The following NRXN1 variants were observed in gnomAD, a reference collection of about 807,000 sequenced individuals.
The protein encoded by NRXN1 is neurexin 1.
NRXN1 carries 39 observed loss-of-function variants against 150.9 expected under a neutral mutation model. The observed-to-expected ratio is 0.26, with a 90% CI of 0.20 to 0.34. The LOEUF (loss-of-function observed/expected upper bound fraction) is 0.34, where lower values mean the gene tolerates loss of function less well. NRXN1 is among the 10% of genes least tolerant of loss of function. NRXN1 has a pLI of 1.00. For synonymous variants in NRXN1, 924 were observed against 757.0 expected (o/e 1.22, Z -3.62); for missense variants, 1,815 against 1,949.9 (o/e 0.93, Z 1.30).
chr2:50,917,389 A>C (rs763930646), intron 5 of NRXN1: 3 of 151,776 alleles, frequency 2.0e-5, no homozygotes, highest in Admixed American at 6.6e-5. Flanking sequence ...AATATGCATT[A>C]GGATTTTAGT....
intron 5 of NRXN1, among the ~76,000 whole-genome samples, chr2:50,724,772 G>T (rs183655607): frequency 4.5e-4 from 69 of 152,204 alleles, no homozygotes; most frequent in African/African-American, 1.3e-3. Context: ...GTGTGTGTGT[G>T]ATGAGGTATT....
chr2:50,304,490 C>A (rs1419688649), intron 17 of NRXN1, among the ~76,000 whole-genome samples: 8 of 152,206 alleles, frequency 5.3e-5, no homozygotes, highest in East Asian at 1.9e-4. Context: ...CACAATAATT[C>A]AAAAATTCCT....
At chr2:50,988,743 T>G (rs1207372863) in intron 2 of NRXN1, among the ~76,000 whole-genome samples, 1 of 151,972 alleles carries the variant, frequency 6.6e-6, no homozygotes, top group Non-Finnish European at 1.5e-5. Context: ...AACACAGGCG[T>G]TAGCAGCTGC....
At chr2:50,872,287 T>A (rs1486093747) in intron 5 of NRXN1, among the ~76,000 whole-genome samples, 5 of 151,980 alleles carry the variant, frequency 3.3e-5, no homozygotes, top group African/African-American at 1.2e-4. Context: ...TGTGTAATAA[T>A]GGTGATTGTA....
chr2:49,938,783 C>T (rs1671470972), intron 22 of NRXN1, among the ~76,000 whole-genome samples: 1 of 152,160 alleles, frequency 6.6e-6, no homozygotes. Flanking sequence ...TATTAGGGAG[C>T]TACTACAGCA....
chr2:50,561,110 C>T (rs1295437763), intron 8 of NRXN1, among the ~76,000 whole-genome samples: 1 of 152,164 alleles, frequency 6.6e-6, no homozygotes, highest in Non-Finnish European at 1.5e-5. Flanking sequence ...AAGAAAACCC[C>T]TCCTGCTTTG....
chr2:49,981,542 C>T (rs72887817), intron 21 of NRXN1, among the ~76,000 whole-genome samples: 74,663 of 151,728 alleles, frequency 0.49, 18,801 homozygotes, highest in Middle Eastern at 0.63. Flanking sequence ...ATCCTCTTCC[C>T]CCCCACTTTT....
intron 5 of NRXN1, among the ~76,000 whole-genome samples, chr2:50,762,456 C>T (rs934025123): frequency 6.6e-6 from 1 of 151,682 alleles, no homozygotes; most frequent in African/African-American, 2.4e-5. Context: ...AAGCATAGTG[C>T]CCAGTAGATA....
At chr2:50,983,451 T>A (rs993709683) in intron 2 of NRXN1, among the ~76,000 whole-genome samples, 2 of 152,132 alleles carry the variant, frequency 1.3e-5, no homozygotes, top group Admixed American at 6.6e-5. Context: ...AGTAGTTACA[T>A]TAAGTCCCCA....
chr2:50,104,970 A>G (rs1286921335), intron 18 of NRXN1, among the ~76,000 whole-genome samples: 1 of 151,958 alleles, frequency 6.6e-6, no homozygotes, highest in East Asian at 1.9e-4. Context: ...ACCAATCTCC[A>G]TGTTGAGGAT....
chr2:50,816,313 C>T (rs1204912313), intron 5 of NRXN1, among the ~76,000 whole-genome samples: 1 of 152,192 alleles, frequency 6.6e-6, no homozygotes, highest in Non-Finnish European at 1.5e-5. Context: ...GCACAGTCTA[C>T]ACATTTCAGT....
intron 18 of NRXN1, among the ~76,000 whole-genome samples, chr2:50,154,474 A>G (rs2058891815): frequency 6.6e-6 from 1 of 151,746 alleles, no homozygotes; most frequent in African/African-American, 2.4e-5. Context: ...TGAGATAAAT[A>G]GAAAACCTTA....
At chr2:50,182,551 T>A (rs1658130998) in intron 18 of NRXN1, among the ~76,000 whole-genome samples, 1 of 152,074 alleles carries the variant, frequency 6.6e-6, no homozygotes, top group Admixed American at 6.6e-5. Flanking sequence ...TGAATTCAAA[T>A]TTGTCCACAT....
chr2:50,819,439 T>C (rs528700400), intron 5 of NRXN1, among the ~76,000 whole-genome samples: 1 of 152,100 alleles, frequency 6.6e-6, no homozygotes, highest in South Asian at 2.1e-4. Context: ...GAGACAAACA[T>C]TGCATGATTC....
intron 8 of NRXN1, among the ~76,000 whole-genome samples, chr2:50,553,731 T>A (rs1291577594): frequency 1.3e-5 from 2 of 152,246 alleles, no homozygotes; most frequent in African/African-American, 4.8e-5. Context: ...TCCATTTCAC[T>A]TTTAATTTAC....
chr2:50,798,255 C>T (rs1011508252), intron 5 of NRXN1, among the ~76,000 whole-genome samples: 2 of 151,952 alleles, frequency 1.3e-5, no homozygotes, highest in Non-Finnish European at 1.5e-5. Flanking sequence ...CCTCAAAATC[C>T]CAAATCAATA....
intron 18 of NRXN1, among the ~76,000 whole-genome samples, chr2:50,136,627 T>C (rs777937281): frequency 3.3e-5 from 5 of 152,198 alleles, no homozygotes; most frequent in African/African-American, 7.2e-5. Context: ...ACATTGCTTA[T>C]AGCATTTTGC....
At chr2:50,658,929 T>C (rs1199806873) in intron 5 of NRXN1, among the ~76,000 whole-genome samples, 1 of 152,056 alleles carries the variant, frequency 6.6e-6, no homozygotes, top group East Asian at 1.9e-4. Context: ...CAGTGCCTTT[T>C]ATACTTTGGG....
In NRXN1 at chr2:51,026,492, T is replaced by A. The variant is rs776645534; in HGVS notation, c.772+1010A>T. ...TTTCTAAAGAGGAGAAAAGAGAACT[T>A]AGGTATGACTTTTGTAGTTTAATGC... On this transcript the variant is annotated intron_variant, in intron 2 of 22. Transcript: ENST00000401669. 7.9e-6 allele frequency: 12 copies of A among 1,512,834 alleles called. No homozygotes were observed. In the African/African-American group the frequency reaches 1.6e-4, roughly 21 times the overall value. The allele number at this position is 1,512,834 out of a possible 1,614,324, so 93.7% of individuals were successfully genotyped here.
Sources: gnomAD v4.1 joint callset for allele counts (sites outside exome capture counted in the v4.1 genomes callset) on GRCh38, gnomAD v4.1.1 for gene constraint, MANE v1.5 for transcripts, NCBI Gene and HGNC (gene_info 2026-07-23, HGNC 2026-07-21) for gene names.